The following NF1 variants were observed in gnomAD, a reference collection of about 807,000 sequenced individuals.
NF1 encodes the protein neurofibromin 1.
NF1 carries 122 observed loss-of-function variants against 325.7 expected under a neutral mutation model. That is an observed-to-expected ratio of 0.37 (90% confidence interval 0.32 to 0.44). The LOEUF (loss-of-function observed/expected upper bound fraction) is 0.44. Among genes scored for constraint, NF1 ranks in the 20% least tolerant of loss-of-function variants. The pLI is 1.00. For synonymous variants in NF1, 1,091 were observed against 1,186.0 expected (o/e 0.92, Z 1.65); for missense variants, 2,140 against 3,415.4 (o/e 0.63, Z 9.31).
intron 36 of NF1, chr17:31,304,708 G>A (rs1380582166): frequency 6.2e-7 from 1 of 1,613,998 alleles, no homozygotes; most frequent in Non-Finnish European, 8.5e-7. Context: ...GGGGTTGTTG[G>A]AGTCTTCAAT....
intron 13 of NF1, among the ~76,000 whole-genome samples, chr17:31,215,629 A>G (rs1159027617): frequency 6.6e-6 from 1 of 152,224 alleles, no homozygotes; most frequent in Non-Finnish European, 1.5e-5. Flanking sequence ...TATTAATAAG[A>G]TACAATTTAA....
At chr17:31,157,811 A>AG in intron 2 of NF1, among the ~76,000 whole-genome samples, 1 of 151,428 alleles carries the variant, frequency 6.6e-6, no homozygotes, top group East Asian at 1.9e-4. Flanking sequence ...AAAAAAAAAA[A>AG]AAAACTTAGC....
chr17:31,348,822 C>G (rs1368592451), intron 48 of NF1, among the ~76,000 whole-genome samples: 3 of 150,522 alleles, frequency 2.0e-5, no homozygotes, highest in Non-Finnish European at 4.4e-5. Flanking sequence ...CTCTGTGCTG[C>G]TTTAGGGAAT....
chr17:31,209,179 C>T (rs1031092217), intron 12 of NF1, among the ~76,000 whole-genome samples: 5 of 152,070 alleles, frequency 3.3e-5, no homozygotes, highest in Non-Finnish European at 7.4e-5. Flanking sequence ...TCCAGATGCC[C>T]CTTGGGGGAC....
Position 31,161,907 on chromosome 17 carries a change from A to G in NF1, c.289-1279A>G, listed in dbSNP as rs148512043. Among the ~76,000 whole-genome samples the G allele has an allele frequency of 2.0e-5, 3 of 151,664 alleles. No homozygotes were observed. The South Asian group carries it at 6.2e-4, about 32-fold the overall frequency. On this transcript the variant is annotated intron_variant, in intron 3 of 57. Transcript: ENST00000358273. ...AAAAATTAGCCAGATGTGGTGGCAC[A>G]TGTCTGTAGTCCCAGCTACTTGGGA...
At chr17:31,322,897 ATT>A in intron 36 of NF1, among the ~76,000 whole-genome samples, 1 of 152,108 alleles carries the variant, frequency 6.6e-6, no homozygotes, top group East Asian at 1.9e-4. Flanking sequence ...CAACAGTACT[ATT>A]TTAGATCCTT....
chr17:31,324,469 G>A (rs1399101180), intron 36 of NF1, among the ~76,000 whole-genome samples: 2 of 152,188 alleles, frequency 1.3e-5, no homozygotes, highest in East Asian at 3.8e-4. Context: ...TCGTCTAGCT[G>A]TTTTGAAATA....
chr17:31,266,460 C>A (rs2067790637), intron 36 of NF1, among the ~76,000 whole-genome samples: 1 of 152,192 alleles, frequency 6.6e-6, no homozygotes, highest in East Asian at 1.9e-4. Context: ...CTCTAAGTAA[C>A]CCCTGCTCAC....
At chr17:31,313,525 G>A (rs1222738119) in intron 36 of NF1, among the ~76,000 whole-genome samples, 1 of 151,968 alleles carries the variant, frequency 6.6e-6, no homozygotes, top group East Asian at 1.9e-4. Context: ...GCAACATAGT[G>A]AAACCCCATC....
chr17:31,213,170 GA>G (rs1264878694), intron 12 of NF1, among the ~76,000 whole-genome samples: 1 of 151,976 alleles, frequency 6.6e-6, no homozygotes, highest in Non-Finnish European at 1.5e-5. Flanking sequence ...TTAGAGTGAG[GA>G]AAAAAATACA....
intron 12 of NF1, among the ~76,000 whole-genome samples, chr17:31,211,268 A>T (rs558232333): frequency 1.3e-5 from 2 of 152,312 alleles, no homozygotes; most frequent in South Asian, 4.1e-4. Flanking sequence ...TTTTTTTCTT[A>T]CATTTCTAAT....
At position 31,125,377 on chromosome 17, in the gene NF1, A is replaced by G. The variant is rs150043158; in HGVS notation, c.60+30008A>G. On this transcript the variant is annotated intron_variant, in intron 1 of 57. Transcript: ENST00000358273. ...TTTGGATTGTTTCTAGTTTTTTGCT[A>G]TTACTAAGAATGCTGCTTACGAACA... Among the ~76,000 whole-genome samples, 1,433 of 151,896 alleles carry G rather than the reference A, an allele frequency of 9.4e-3. 25 individuals are homozygous for G. Among genetic ancestry groups the G allele is most frequent in the African/African-American group, 0.032 (1,345 of 41,430 alleles).
At chr17:31,260,051 C>T (rs566694405) in intron 33 of NF1, among the ~76,000 whole-genome samples, 5 of 152,264 alleles carry the variant, frequency 3.3e-5, no homozygotes, top group African/African-American at 1.2e-4. Context: ...GGCTATATAT[C>T]TTTGGGGAGG....
intron 1 of NF1, among the ~76,000 whole-genome samples, chr17:31,143,835 T>A (rs1176138470): frequency 1.3e-5 from 2 of 152,050 alleles, no homozygotes; most frequent in Non-Finnish European, 2.9e-5. Flanking sequence ...TTTGTTTTGT[T>A]TTTTGAGACA....
At chr17:31,095,753 G>T (rs1344131961) in intron 1 of NF1, among the ~76,000 whole-genome samples, 1 of 152,042 alleles carries the variant, frequency 6.6e-6, no homozygotes, top group Non-Finnish European at 1.5e-5. Context: ...AGCAGAGGTG[G>T]GTAACGTTTA....
In NF1 at chr17:31,374,133, A is replaced by G. The variant is rs1567634576; in HGVS notation, c.8498A>G (p.Asn2833Ser). 1 of 1,614,100 alleles carries G rather than the reference A, an allele frequency of 6.2e-7. No individual in the cohort carries two copies. The highest frequency in any genetic ancestry group is 1.3e-5 in the African/African-American group (1 of 75,042). ...AGAAGCGCTGGCAGTTTCAAACGTA[A>G]TAGCATTAAGAAGATCGTGTGAAGC... Reference protein sequence around the residue: ...KQRSAGSFKRNSIKKIV With the variant: ...KQRSAGSFKRSSIKKIV The change falls in exon 58 of 58, where the codon AAT becomes AGT. Residue 2833 changes from asparagine to serine, a missense_variant. By Grantham distance (46) the Asn-to-Ser change is conservative. This residue lies in a region of NF1 where 522 missense variants were observed against 749.0 expected (regional missense o/e 0.70). Coordinates refer to ENST00000358273, the MANE Select transcript of NF1 (RefSeq NM_001042492.3).
chr17:31,196,083 T>C (rs540880279), intron 8 of NF1, among the ~76,000 whole-genome samples: 1 of 152,230 alleles, frequency 6.6e-6, no homozygotes, highest in African/African-American at 2.4e-5. Context: ...TGCAGAGTTG[T>C]ATATAATACT....
At chr17:31,288,255 A>G (rs1468046564) in intron 36 of NF1, among the ~76,000 whole-genome samples, 1 of 152,094 alleles carries the variant, frequency 6.6e-6, no homozygotes, top group African/African-American at 2.4e-5. Flanking sequence ...ATGTTTAACA[A>G]AGTTGGGGCT....
At chr17:31,206,145 C>T in intron 11 of NF1, 95 bp from the exon 12 acceptor site, 2 of 1,449,624 alleles carry the variant, frequency 1.4e-6, no homozygotes, top group Non-Finnish European at 9.7e-7. Context: ...AAGTTCCCGA[C>T]AAAAGGATAA....
Sources: gnomAD v4.1 joint callset for allele counts (sites outside exome capture counted in the v4.1 genomes callset) on GRCh38, gnomAD v4.1.1 for gene constraint, gnomAD v4.1.1 regional missense constraint, MANE v1.5 for transcripts, NCBI Gene and HGNC (gene_info 2026-07-23, HGNC 2026-07-21) for gene names.